The following ITPR1 variants were observed in gnomAD, a reference collection of about 807,000 sequenced individuals.
The protein encoded by ITPR1 is inositol 1,4,5-trisphosphate-gated calcium channel ITPR1.
A neutral mutation model predicts 318.4 loss-of-function variants in ITPR1; 96 were observed. The observed-to-expected ratio is 0.30, with a 90% CI of 0.26 to 0.36. The LOEUF is 0.36. ITPR1 is among the 10% of genes least tolerant of loss of function. The pLI is 1.00. For synonymous variants in ITPR1, 1,312 were observed against 1,289.9 expected (o/e 1.02, Z -0.37); for missense variants, 2,440 against 3,460.2 (o/e 0.71, Z 7.40).
intron 52 of ITPR1, among the ~76,000 whole-genome samples, chr3:4,793,224 C>T (rs1241604060): frequency 1.3e-5 from 2 of 152,192 alleles, no homozygotes; most frequent in East Asian, 3.9e-4. Flanking sequence ...GAACTATATG[C>T]CATAGTTGAA....
chr3:4,537,946 C>A (rs1396509868), intron 4 of ITPR1, among the ~76,000 whole-genome samples: 1 of 151,972 alleles, frequency 6.6e-6, no homozygotes, highest in Non-Finnish European at 1.5e-5. Flanking sequence ...CATGTTTTTT[C>A]TGTCTTATTA....
rs746715399 is a variant in ITPR1, at chr3:4,813,228, A to G, written c.7555A>G (p.Arg2519Gly). ...SGENCSSPAP[R>G]EELVPAEETE... ...GGAGAACTGCTCCTCTCCTGCACCC[A>G]GAGAAGGTAGGACCTCCTAACTGTA... is the stretch of plus-strand genomic sequence containing the variant. Residue 2519 changes from arginine to glycine, a missense_variant, in exon 57 of 62, where the codon AGA becomes GGA. Arg to Gly is a moderately radical substitution (Grantham distance 125). Around this residue, in one of 23 missense-constraint regions of ITPR1, gnomAD observed 88 missense variants for 90.5 expected, o/e 0.97. Coordinates refer to ENST00000649015, the MANE Select transcript of ITPR1 (RefSeq NM_001378452.1). 6 of 1,608,198 alleles carry G rather than the reference A, an allele frequency of 3.7e-6. No individual in the cohort carries two copies. The Admixed American group carries it at 8.4e-5, about 22-fold the overall frequency.
chr3:4,830,287 T>C (rs1382535624), intron 60 of ITPR1, among the ~76,000 whole-genome samples: 3 of 152,232 alleles, frequency 2.0e-5, no homozygotes, highest in Non-Finnish European at 2.9e-5. Flanking sequence ...ATAATAGATA[T>C]TATTAAGTGG....
rs111867776 is a variant in ITPR1 at position 4,565,245 on chromosome 3, C to T, written c.163+44151C>T. 5.2e-3 allele frequency among the ~76,000 whole-genome samples: 793 copies of T among 152,204 alleles called. 6 individuals are homozygous for T. The highest frequency in any genetic ancestry group is 0.019 in the African/African-American group (776 of 41,500). On this transcript the variant is annotated intron_variant, in intron 4 of 61. Transcript: ENST00000649015. ...CCAGAAAGAACCTTCAGCTCATCAC[C>T]GCAGCCCTAGTTTCAGCATGATTTT...
At chr3:4,525,558 T>A (rs1375903506) in intron 4 of ITPR1, among the ~76,000 whole-genome samples, 1 of 152,196 alleles carries the variant, frequency 6.6e-6, no homozygotes, top group Admixed American at 6.5e-5. Flanking sequence ...ATCTTTTTCA[T>A]CTGAATGAAT....
At chr3:4,775,107 T>G in intron 46 of ITPR1, 135 bp from the exon 47 acceptor site, 1 of 717,962 alleles carries the variant, frequency 1.4e-6, no homozygotes, top group East Asian at 2.5e-5. Flanking sequence ...GCATACTGAC[T>G]CTTCCATGCT....
chr3:4,793,656 C>A (rs1200731618), intron 52 of ITPR1, among the ~76,000 whole-genome samples: 7 of 152,186 alleles, frequency 4.6e-5, no homozygotes, highest in Admixed American at 2.6e-4. Flanking sequence ...TGGCTGGCCC[C>A]CCATTCAATT....
At chr3:4,707,324 G>T (rs2094780054) in intron 37 of ITPR1, among the ~76,000 whole-genome samples, 1 of 152,192 alleles carries the variant, frequency 6.6e-6, no homozygotes, top group African/African-American at 2.4e-5. Flanking sequence ...AGTGACTGCG[G>T]TTGGACTCAT....
At chr3:4,746,741 T>G (rs891260418) in intron 44 of ITPR1, among the ~76,000 whole-genome samples, 6 of 152,210 alleles carry the variant, frequency 3.9e-5, no homozygotes, top group Admixed American at 3.9e-4. Flanking sequence ...TATAAACTAT[T>G]CTGGGAATTC....
At chr3:4,588,194 A>G (rs975315872) in intron 4 of ITPR1, among the ~76,000 whole-genome samples, 1 of 152,196 alleles carries the variant, frequency 6.6e-6, no homozygotes. Context: ...TTATATAAGA[A>G]GTAGATGCAT....
intron 40 of ITPR1, among the ~76,000 whole-genome samples, chr3:4,721,004 T>C (rs1208027111): frequency 6.6e-6 from 1 of 151,664 alleles, no homozygotes; most frequent in Non-Finnish European, 1.5e-5. Flanking sequence ...CCTTCAGCAG[T>C]AATTGCCAAT....
intron 44 of ITPR1, among the ~76,000 whole-genome samples, chr3:4,755,098 A>C (rs2044852377): frequency 6.6e-6 from 1 of 151,812 alleles, no homozygotes; most frequent in Admixed American, 6.6e-5. Context: ...TTTACTGTTG[A>C]AAATTGCTGG....
chr3:4,751,627 A>G (rs539520831), intron 44 of ITPR1: 8 of 152,370 alleles, frequency 5.3e-5, no homozygotes, highest in Non-Finnish European at 1.0e-4. Flanking sequence ...TTGAATAATC[A>G]GAGGCAAGCT....
intron 60 of ITPR1, among the ~76,000 whole-genome samples, chr3:4,834,223 C>A (rs983389479): frequency 2.0e-5 from 3 of 152,130 alleles, no homozygotes; most frequent in African/African-American, 7.2e-5. Flanking sequence ...TGGTCACTCT[C>A]CTTGACTAAA....
rs975774497 is a variant in ITPR1 at position 4,697,317 on chromosome 3, TGTGTGTGTG to T, written c.4407+46_4407+54del. The T allele has an allele frequency of 4.0e-5, 35 of 881,362 alleles. No homozygotes were observed. In the African/African-American group the frequency reaches 1.0e-3, roughly 25 times the overall value. 54.6% of individuals were successfully genotyped at this position (881,362 alleles called of 1,614,324 possible). A position where few individuals can be genotyped will look rare whatever the true frequency, so the allele number is the denominator to read the frequency against. ...GGAGGCAGAGTTGGAGAGTGAGAGG[TGTGTGTGTG>T]TGTGTGTGTGTGTGTGTGTGTGTGT... On this transcript the variant is annotated intron_variant, in intron 34 of 61. Coordinates refer to ENST00000649015, the MANE Select transcript of ITPR1 (RefSeq NM_001378452.1).
intron 4 of ITPR1, among the ~76,000 whole-genome samples, chr3:4,544,394 G>A (rs1399243314): frequency 6.6e-6 from 1 of 152,176 alleles, no homozygotes; most frequent in Non-Finnish European, 1.5e-5. Context: ...TCTTACTCTA[G>A]CCATCTCAAA....
At chr3:4,798,405 C>T (rs1395760555) in intron 53 of ITPR1, among the ~76,000 whole-genome samples, 2 of 152,224 alleles carry the variant, frequency 1.3e-5, no homozygotes, top group African/African-American at 2.4e-5. Context: ...CCACACCATA[C>T]CACTGCAAAC....
chr3:4,847,395 CAAAA>C lies in ITPR1; in HGVS notation c.*1181_*1184del, dbSNP rs3079679. The C allele has an allele frequency of 1.5e-5, 2 of 135,162 alleles. No homozygotes were observed. The highest frequency in any genetic ancestry group is 2.7e-5 in the African/African-American group (1 of 36,920). The allele number at this position is 135,162 out of a possible 1,614,324, so 8.4% of individuals were successfully genotyped here. A position where few individuals can be genotyped will look rare whatever the true frequency, so the allele number is the denominator to read the frequency against. On this transcript the variant is annotated 3_prime_UTR_variant, in exon 62 of 62. Coordinates refer to ENST00000649015, the MANE Select transcript of ITPR1 (RefSeq NM_001378452.1). The stretch of plus-strand genomic sequence containing the variant: ...CTCATTTTACAAGAGAATCTCTCTG[CAAAA>C]AAAAAAAAAACAGTTTAAAAATGCA...
chr3:4,586,013 T>C (rs1408433212), intron 4 of ITPR1, among the ~76,000 whole-genome samples: 6 of 144,264 alleles, frequency 4.2e-5, no homozygotes, highest in African/African-American at 1.5e-4. Flanking sequence ...AGTGAGAACA[T>C]GTAGTGTTTG....
Sources: allele counts gnomAD v4.1 joint callset (sites outside exome capture counted in the v4.1 genomes callset), GRCh38; gene constraint gnomAD v4.1.1; regional missense constraint gnomAD v4.1.1; transcripts MANE v1.5; gene names NCBI Gene and HGNC (gene_info 2026-07-23, HGNC 2026-07-21).